MAGI1: variants seen among roughly 807,000 people sequenced by gnomAD.
MAGI1 encodes the protein membrane associated guanylate kinase, WW and PDZ domain containing 1.
MAGI1 carries 58 observed loss-of-function variants against 139.9 expected under a neutral mutation model. The observed-to-expected ratio is 0.41, with a 90% CI of 0.34 to 0.52. The LOEUF (loss-of-function observed/expected upper bound fraction) is 0.52. Ranked by LOEUF, MAGI1 falls within the 20% of genes least tolerant of loss-of-function variation. The pLI is 0.12. For synonymous variants in MAGI1, 812 were observed against 737.9 expected, an observed-to-expected ratio of 1.10 and a Z score of -1.63; for missense variants, 1,874 against 1,901.6, an observed-to-expected ratio of 0.99 and a Z score of 0.27.
intron 1 of MAGI1, among the ~76,000 whole-genome samples, chr3:65,859,640 G>A (rs1057354338): frequency 3.3e-5 from 5 of 151,414 alleles, no homozygotes; most frequent in Admixed American, 6.6e-5. Context: ...AGAATCACTC[G>A]AACCTGGGAG....
intron 2 of MAGI1, among the ~76,000 whole-genome samples, chr3:65,604,909 G>C (rs190635080): frequency 2.6e-4 from 40 of 152,218 alleles, no homozygotes; most frequent in Non-Finnish European, 1.2e-4. Context: ...TTCCCTCCAA[G>C]GTGCAAAACA....
At chr3:65,568,840 G>A (rs908303518) in intron 2 of MAGI1, among the ~76,000 whole-genome samples, 1 of 152,042 alleles carries the variant, frequency 6.6e-6, no homozygotes, top group African/African-American at 2.4e-5. Flanking sequence ...TGATTTCCAG[G>A]GTTACTTTAT....
intron 3 of MAGI1, among the ~76,000 whole-genome samples, chr3:65,489,217 T>G (rs2107652609): frequency 1.3e-5 from 2 of 152,298 alleles, no homozygotes; most frequent in African/African-American, 4.8e-5. Context: ...GAAGAGCACC[T>G]ACTATGTGCC....
chr3:65,714,964 AG>A (rs2032039679), intron 1 of MAGI1, among the ~76,000 whole-genome samples: 1 of 150,008 alleles, frequency 6.7e-6, no homozygotes, highest in Non-Finnish European at 1.5e-5. Context: ...CCACAGACAC[AG>A]GTTTAGAATC....
In MAGI1 at chr3:65,751,428, T is replaced by C. The variant is rs1020474856; in HGVS notation, c.314-129340A>G. ...CAGTGTCTCTCCCTTTGTCTACTTT[T>C]GATGTCTCTTTTCAATCTAACATTA... On this transcript the variant is annotated intron_variant, in intron 1 of 22. Transcript: ENST00000402939. Among the ~76,000 whole-genome samples the C allele has an allele frequency of 1.1e-4, 17 of 152,214 alleles. 1 individual carries two copies. The highest frequency in any genetic ancestry group is 3.9e-4 in the African/African-American group (16 of 41,456).
At chr3:65,447,527 T>C (rs750364631) in intron 7 of MAGI1, among the ~76,000 whole-genome samples, 14 of 152,230 alleles carry the variant, frequency 9.2e-5, no homozygotes, top group Non-Finnish European at 1.8e-4. Flanking sequence ...ATCCTAAGAC[T>C]TAACTATTCA....
chr3:65,432,147 C>T lies in MAGI1; in HGVS notation c.1364-1266G>A, dbSNP rs182741357. On this transcript the variant is annotated intron_variant, in intron 10 of 22. Transcript: ENST00000402939. ...ACGTTTTCTTTTGGGTTTTACTAGG[C>T]ACTTCTCTGTAATTGAGAAACTTAC... 9.2e-5 allele frequency among the ~76,000 whole-genome samples: 14 copies of T among 152,244 alleles called. No homozygotes were observed. The East Asian group carries it at 2.7e-3, about 29-fold the overall frequency.
rs185362609 is a variant in MAGI1 at position 65,979,760 on chromosome 3, G to T, written c.313+58236C>A. 2.2e-4 allele frequency among the ~76,000 whole-genome samples: 33 copies of T among 152,288 alleles called. No individual in the cohort carries two copies. In the East Asian group the frequency reaches 2.5e-3, roughly 12 times the overall value. ...TAAAGGAAAAGCTTAGGTGTTAATA[G>T]GACATGCCAATTACTCCAGTGTCGG... On this transcript the variant is annotated intron_variant, in intron 1 of 22. Coordinates refer to ENST00000402939, the MANE Select transcript of MAGI1 (RefSeq NM_001033057.2).
intron 1 of MAGI1, among the ~76,000 whole-genome samples, chr3:65,982,724 G>A (rs2065653400): frequency 6.6e-6 from 1 of 152,046 alleles, no homozygotes; most frequent in Non-Finnish European, 1.5e-5. Flanking sequence ...TGTCATTTCA[G>A]TCACCATTAT....
rs374634905 is a variant in MAGI1 at position 65,383,525 on chromosome 3, G to C, written c.2508+7C>G. The C allele has an allele frequency of 1.7e-5, 28 of 1,604,728 alleles. No individual in the cohort carries two copies. In the African/African-American group the frequency reaches 3.1e-4, roughly 18 times the overall value. On this transcript the variant is annotated splice_region_variant and intron_variant, in intron 15 of 22. Transcript: ENST00000402939. ...ATGCTGGGAAGAGAGACAAGCAAAA[G>C]ACTCACAGGTTCCCCTGGTTCATTT...
chr3:65,675,151 G>C (rs2087106389), intron 1 of MAGI1, among the ~76,000 whole-genome samples: 1 of 152,086 alleles, frequency 6.6e-6, no homozygotes, highest in African/African-American at 2.4e-5. Context: ...CAATGTGTGG[G>C]CACTGAGATT....
At chr3:65,545,076 G>A (rs183387433) in intron 2 of MAGI1, among the ~76,000 whole-genome samples, 18 of 152,186 alleles carry the variant, frequency 1.2e-4, no homozygotes, top group African/African-American at 3.1e-4. Context: ...TAGAGATGAC[G>A]GAAATTAAGA....
chr3:65,838,268 C>T (rs1280130021), intron 1 of MAGI1, among the ~76,000 whole-genome samples: 1 of 152,062 alleles, frequency 6.6e-6, no homozygotes, highest in Non-Finnish European at 1.5e-5. Context: ...GCCGAGATCC[C>T]GCCACTGCAG....
At position 65,792,712 on chromosome 3, in the gene MAGI1, G is replaced by A. The variant is rs532534207; in HGVS notation, c.314-170624C>T. ...TCCGATGGACAATGGGAGGATTCAC[G>A]TTCCAGGGAGAATCTAGTAAAATGA... On this transcript the variant is annotated intron_variant, in intron 1 of 22. Transcript: ENST00000402939. Among the ~76,000 whole-genome samples, 4 of 152,184 alleles carry A rather than the reference G, an allele frequency of 2.6e-5. No homozygotes were observed. The South Asian group carries it at 6.2e-4, about 24-fold the overall frequency.
intron 1 of MAGI1, among the ~76,000 whole-genome samples, chr3:65,623,558 G>C (rs1366545029): frequency 6.6e-6 from 1 of 152,106 alleles, no homozygotes; most frequent in Non-Finnish European, 1.5e-5. Flanking sequence ...ATACAAATTA[G>C]GTAAGAGCAT....
At chr3:65,444,782 G>T (rs957789156) in intron 7 of MAGI1, among the ~76,000 whole-genome samples, 2 of 152,100 alleles carry the variant, frequency 1.3e-5, no homozygotes, top group Admixed American at 1.3e-4. Flanking sequence ...GTTGAAAAAT[G>T]GGTCCAGTCA....
intron 1 of MAGI1, among the ~76,000 whole-genome samples, chr3:65,767,343 G>A (rs2037570573): frequency 1.3e-5 from 2 of 151,772 alleles, no homozygotes; most frequent in African/African-American, 4.8e-5. Context: ...AGTGGCTCAT[G>A]CCTGTAATCC....
intron 3 of MAGI1, among the ~76,000 whole-genome samples, chr3:65,489,482 C>T (rs996394457): frequency 2.6e-5 from 4 of 151,992 alleles, no homozygotes; most frequent in Admixed American, 6.6e-5. Context: ...CTGTTTATAA[C>T]ACGACCACCA....
intron 12 of MAGI1, among the ~76,000 whole-genome samples, chr3:65,413,844 C>T (rs946494585): frequency 2.0e-5 from 3 of 152,134 alleles, no homozygotes; most frequent in African/African-American, 7.2e-5. Flanking sequence ...AGGTCCAGTA[C>T]ATTGGAGATG....
Sources: gnomAD v4.1 joint callset for allele counts (sites outside exome capture counted in the v4.1 genomes callset) on GRCh38, gnomAD v4.1.1 for gene constraint, MANE v1.5 for transcripts, NCBI Gene and HGNC (gene_info 2026-07-23, HGNC 2026-07-21) for gene names.